Variants in DOK5 observed in about 807,000 individuals in gnomAD.
The protein encoded by DOK5 is downstream of tyrosine kinase 5.
A neutral mutation model predicts 43.3 loss-of-function variants in DOK5; 27 were observed. The ratio of observed to expected loss-of-function variants is 0.62; its 90% CI spans 0.46 to 0.86. The LOEUF is 0.86. Ranked by LOEUF, DOK5 falls within the 40% of genes least tolerant of loss-of-function variation. The pLI is 0.00. For synonymous variants in DOK5, 146 were observed against 140.1 expected (o/e 1.04, Z -0.30); for missense variants, 373 against 392.9 (o/e 0.95, Z 0.43).
intron 1 of DOK5, among the ~76,000 whole-genome samples, chr20:54,504,444 A>G (rs530248693): frequency 6.6e-6 from 1 of 152,326 alleles, no homozygotes; most frequent in African/African-American, 2.4e-5. Flanking sequence ...AAGATCTGGA[A>G]GTTTTAGGGG....
chr20:54,556,404 G>T (rs6068904), intron 2 of DOK5, among the ~76,000 whole-genome samples: 1 of 152,226 alleles, frequency 6.6e-6, no homozygotes, highest in Admixed American at 6.5e-5. Flanking sequence ...GTATTATTTA[G>T]GCACAGTGAT....
At chr20:54,598,879 T>G (rs1986223325) in intron 5 of DOK5, among the ~76,000 whole-genome samples, 1 of 149,206 alleles carries the variant, frequency 6.7e-6, no homozygotes, top group South Asian at 2.1e-4. Flanking sequence ...AAATAATTTG[T>G]TTTTTTGTAT....
intron 5 of DOK5, among the ~76,000 whole-genome samples, chr20:54,601,340 C>T (rs1986292034): frequency 6.6e-6 from 1 of 152,222 alleles, no homozygotes; most frequent in Non-Finnish European, 1.5e-5. Context: ...TTTCTTATAA[C>T]TGCTATTGCA....
At chr20:54,545,274 G>A (rs548314833) in intron 1 of DOK5, among the ~76,000 whole-genome samples, 1 of 152,298 alleles carries the variant, frequency 6.6e-6, no homozygotes, top group Admixed American at 6.5e-5. Flanking sequence ...TTACCTGTGG[G>A]GCAAACTCCT....
chr20:54,496,629 G>A (rs975229602), intron 1 of DOK5, among the ~76,000 whole-genome samples: 12 of 152,004 alleles, frequency 7.9e-5, no homozygotes, highest in Admixed American at 3.9e-4. Flanking sequence ...AGCTGGGCGT[G>A]GTGGCAGGCG....
At chr20:54,516,697 C>T (rs555095447) in intron 1 of DOK5, among the ~76,000 whole-genome samples, 6 of 152,172 alleles carry the variant, frequency 3.9e-5, no homozygotes, top group South Asian at 2.1e-4. Context: ...TAGCAATATA[C>T]GATGTAAAAA....
chr20:54,511,807 C>A (rs1435460304), intron 1 of DOK5, among the ~76,000 whole-genome samples: 2 of 152,186 alleles, frequency 1.3e-5, no homozygotes, highest in Non-Finnish European at 2.9e-5. Context: ...ATGACTGCAG[C>A]AGTTTTAAAA....
chr20:54,648,311 A>G (rs1402244772), intron 7 of DOK5, among the ~76,000 whole-genome samples: 3 of 152,178 alleles, frequency 2.0e-5, no homozygotes, highest in Non-Finnish European at 2.9e-5. Context: ...CTCGGAGCTT[A>G]TAATCTAATG....
intron 1 of DOK5, among the ~76,000 whole-genome samples, chr20:54,486,142 C>T (rs1981924140): frequency 6.6e-6 from 1 of 151,964 alleles, no homozygotes; most frequent in Admixed American, 6.6e-5. Flanking sequence ...TATTTAAGTC[C>T]ATCACCCATT....
chr20:54,570,815 A>T (rs1331857056), intron 2 of DOK5, among the ~76,000 whole-genome samples: 2 of 152,242 alleles, frequency 1.3e-5, no homozygotes. Flanking sequence ...AAGAAATTTC[A>T]ACAGTTTCCC....
intron 1 of DOK5, among the ~76,000 whole-genome samples, chr20:54,480,955 T>TATCTATC (rs1981656035): frequency 7.9e-6 from 1 of 125,864 alleles, no homozygotes; most frequent in African/African-American, 3.8e-5. Flanking sequence ...ATCTATCATC[T>TATCTATC]ATCTATCATC....
intron 2 of DOK5, among the ~76,000 whole-genome samples, chr20:54,584,108 TG>T (rs1985723887): frequency 6.6e-6 from 1 of 152,056 alleles, no homozygotes. Flanking sequence ...CACACCACTG[TG>T]CACAAGCCTG....
Position 54,548,429 on chromosome 20 carries a change from A to AT in DOK5, c.67-6501dup, listed in dbSNP as rs980668391. On this transcript the variant is annotated intron_variant, in intron 1 of 7. Transcript: ENST00000262593. ...GTATTTTTTTTTTTATAGAGATAGGATTTCACCATGTTGCCCAGGCTGGTC... is the reference window on the plus strand; with the variant it reads ...GTATTTTTTTTTTTATAGAGATAGGATTTTCACCATGTTGCCCAGGCTGGTC... 6.6e-5 allele frequency among the ~76,000 whole-genome samples: 10 copies of AT among 151,044 alleles called. No individual in the cohort carries two copies. In the South Asian group the frequency reaches 1.3e-3, roughly 19 times the overall value.
rs561086984 is a variant in DOK5 at position 54,523,950 on chromosome 20, T to C, written c.67-30983T>C. On this transcript the variant is annotated intron_variant, in intron 1 of 7. Coordinates refer to ENST00000262593, the MANE Select transcript of DOK5 (RefSeq NM_018431.5). ...CATCAGGGACTGAATTTTTTCTGCC[T>C]GCAGAATTGAAAACTGTGGATGCTG... is the stretch of plus-strand genomic sequence containing the variant. Among the ~76,000 whole-genome samples, 17 of 152,294 alleles carry C rather than the reference T, an allele frequency of 1.1e-4. No homozygotes were observed. The South Asian group carries it at 3.5e-3, about 32-fold the overall frequency.
intron 6 of DOK5, among the ~76,000 whole-genome samples, chr20:54,634,044 C>G (rs905083192): frequency 2.0e-5 from 3 of 152,188 alleles, no homozygotes; most frequent in African/African-American, 7.2e-5. Flanking sequence ...AAGAAGTGCA[C>G]CAGCAGCAAG....
At chr20:54,563,764 A>G (rs1984997203) in intron 2 of DOK5, among the ~76,000 whole-genome samples, 1 of 147,890 alleles carries the variant, frequency 6.8e-6, no homozygotes, top group South Asian at 2.1e-4. Context: ...CATTGTTTCG[A>G]GAGAAACTGG....
chr20:54,575,435 A>G (rs1162591874), intron 2 of DOK5, among the ~76,000 whole-genome samples: 1 of 151,966 alleles, frequency 6.6e-6, no homozygotes, highest in Admixed American at 6.6e-5. Flanking sequence ...ATGTGAGACA[A>G]CCCTGTTATT....
chr20:54,618,588 C>T (rs1986887998), intron 6 of DOK5, among the ~76,000 whole-genome samples: 2 of 152,184 alleles, frequency 1.3e-5, no homozygotes, highest in African/African-American at 4.8e-5. Context: ...TGTGGTCTGC[C>T]CGCCTCAGCC....
intron 6 of DOK5, among the ~76,000 whole-genome samples, chr20:54,640,652 T>A (rs529939559): frequency 6.3e-4 from 96 of 152,362 alleles, no homozygotes; most frequent in Non-Finnish European, 1.2e-3. Context: ...GTCATTTCAC[T>A]CTTGATCCCA....
Sources: gnomAD v4.1 joint callset for allele counts (sites outside exome capture counted in the v4.1 genomes callset) on GRCh38, gnomAD v4.1.1 for gene constraint, MANE v1.5 for transcripts, NCBI Gene and HGNC (gene_info 2026-07-23, HGNC 2026-07-21) for gene names.